Variants in TLK1 observed in about 807,000 individuals in gnomAD.
The protein encoded by TLK1 is serine/threonine-protein kinase tousled-like 1.
In TLK1, 24 loss-of-function variants were observed where a neutral mutation model predicts 105.3. That is an observed-to-expected ratio of 0.23 (90% CI 0.17 to 0.32). The LOEUF (loss-of-function observed/expected upper bound fraction) is 0.32. Ranked by LOEUF, TLK1 falls within the 10% of genes least tolerant of loss-of-function variation. The probability of loss-of-function intolerance (pLI) is 1.00; values close to 1 mark genes in which losing one functional copy is unlikely to be tolerated. For synonymous variants in TLK1, 321 were observed against 310.4 expected (o/e 1.03, Z -0.36); for missense variants, 558 against 910.5 (o/e 0.61, Z 4.98).
intron 2 of TLK1, among the ~76,000 whole-genome samples, chr2:171,108,266 A>T (rs1385334386): frequency 6.6e-6 from 1 of 152,212 alleles, no homozygotes. Flanking sequence ...GTAAAAAGTA[A>T]TACAAATTTT....
intron 2 of TLK1, among the ~76,000 whole-genome samples, chr2:171,090,131 T>A (rs1290331666): frequency 6.6e-6 from 1 of 152,174 alleles, no homozygotes; most frequent in Non-Finnish European, 1.5e-5. Context: ...TTCACTGTTT[T>A]ACAGTTTTCA....
At chr2:171,033,029 GA>G (rs1240406205) in intron 11 of TLK1, among the ~76,000 whole-genome samples, 1 of 152,072 alleles carries the variant, frequency 6.6e-6, no homozygotes, top group African/African-American at 2.4e-5. Flanking sequence ...GCAACATGGT[GA>G]AACTCTGTCT....
intron 11 of TLK1, among the ~76,000 whole-genome samples, chr2:171,036,901 G>C (rs181010577): frequency 2.0e-5 from 3 of 152,216 alleles, no homozygotes; most frequent in African/African-American, 7.2e-5. Context: ...TCAGTAAACA[G>C]AATAATGGTT....
chr2:171,027,423 A>C (rs1685825865), intron 12 of TLK1, among the ~76,000 whole-genome samples: 1 of 152,216 alleles, frequency 6.6e-6, no homozygotes. Context: ...AAGACCTGTA[A>C]AAACAATAAA....
chr2:171,127,277 C>CAA (rs772854408), intron 1 of TLK1, among the ~76,000 whole-genome samples: 2 of 51,206 alleles, frequency 3.9e-5, no homozygotes, highest in Non-Finnish European at 7.6e-5. Context: ...ACTCCCGTCT[C>CAA]AAAAAAAAAA....
chr2:171,221,314 A>G (rs1693806377), intron 1 of TLK1, among the ~76,000 whole-genome samples: 1 of 152,202 alleles, frequency 6.6e-6, no homozygotes. Context: ...AAAAAATGAA[A>G]AAGAACTAGA....
intron 2 of TLK1, among the ~76,000 whole-genome samples, chr2:171,103,484 C>T (rs994721899): frequency 1.2e-4 from 18 of 151,854 alleles, no homozygotes; most frequent in African/African-American, 3.6e-4. Context: ...TCAAGTGATC[C>T]GCCTGCCTCA....
At position 171,049,867 on chromosome 2, in the gene TLK1, G is replaced by T. The variant is rs763030592; in HGVS notation, c.927C>A (p.Gly309=). 2 of 1,613,824 alleles carry T rather than the reference G, an allele frequency of 1.2e-6. No individual in the cohort carries two copies. The highest frequency in any genetic ancestry group is 2.2e-5 in the East Asian group (1 of 44,826). Residue 309 remains glycine (G), a synonymous_variant, in exon 10 of 21, where the codon GGC becomes GGA. Transcript: ENST00000431350. ...RLGHFTTVRH[G]ASFTEQWTDG... is the part of the protein sequence containing the mutation. ...CTGTCCATTGTTCAGTAAATGAAGC[G>T]CCATGTCTAACTGTTGTAAAGTGCC...
chr2:171,094,518 A>T (rs1269584762), intron 2 of TLK1, among the ~76,000 whole-genome samples: 1 of 152,186 alleles, frequency 6.6e-6, no homozygotes, highest in Admixed American at 6.5e-5. Context: ...AAAGAAAGAC[A>T]TTTTCAGACA....
chr2:171,123,526 G>C (rs1690743950), intron 1 of TLK1, among the ~76,000 whole-genome samples: 1 of 152,194 alleles, frequency 6.6e-6, no homozygotes, highest in African/African-American at 2.4e-5. Context: ...CTGATCTGCA[G>C]GCTAAACGCA....
rs573694068 is a variant in TLK1 at position 171,160,664 on chromosome 2, G to A, written c.-236C>T. On this transcript the variant is annotated 5_prime_UTR_variant, in exon 1 of 21. Coordinates refer to ENST00000431350, the MANE Select transcript of TLK1 (RefSeq NM_012290.5). This position sits in a 1 kb window ranked among gnomAD's most constrained non-coding sequence, Gnocchi z 4.4. ...GAAAGGGGGAGAAGCGAGGGAGCGA[G>A]CGGGCGCGCCAGAGGAGAGGAGGAG... is the stretch of plus-strand genomic sequence containing the variant. The A allele has an allele frequency of 1.8e-5, 11 of 613,460 alleles. No individual in the cohort carries two copies. The highest frequency in any genetic ancestry group is 1.8e-4 in the African/African-American group (9 of 51,054). 38.0% of individuals were successfully genotyped at this position (613,460 alleles called of 1,614,324 possible). A position where few individuals can be genotyped will look rare whatever the true frequency, so the allele number is the denominator to read the frequency against.
chr2:171,183,265 A>G (rs1165079833), intron 1 of TLK1, among the ~76,000 whole-genome samples: 1 of 152,192 alleles, frequency 6.6e-6, no homozygotes, highest in East Asian at 1.9e-4. Context: ...AAAGCTCCCA[A>G]TAATGTTAAA....
At chr2:171,058,475 T>A (rs1351791887) in intron 4 of TLK1, among the ~76,000 whole-genome samples, 1 of 152,148 alleles carries the variant, frequency 6.6e-6, no homozygotes. Context: ...ACTGCATCAC[T>A]GACAAACTAA....
chr2:171,045,148 G>C (rs1334804020), intron 11 of TLK1: 1 of 151,454 alleles, frequency 6.6e-6, no homozygotes, highest in East Asian at 1.9e-4. Flanking sequence ...GGGATTCAAA[G>C]CATGGATGAC....
At chr2:171,191,409 T>C (rs75974549) in intron 1 of TLK1, among the ~76,000 whole-genome samples, 15,163 of 149,894 alleles carry the variant, frequency 0.1, 1,123 homozygotes, top group African/African-American at 0.21. Flanking sequence ...CACCCCCCCC[T>C]CTAAAAAAAT....
intron 3 of TLK1, among the ~76,000 whole-genome samples, chr2:171,071,377 T>C: frequency 6.6e-6 from 1 of 152,024 alleles, no homozygotes; most frequent in Admixed American, 6.6e-5. Flanking sequence ...AAGCTCTGCC[T>C]CCCGGGTTCA....
chr2:171,045,105 T>A (rs1185109718), intron 11 of TLK1: 1 of 151,858 alleles, frequency 6.6e-6, no homozygotes, highest in African/African-American at 2.4e-5. Context: ...AAAGGAGGTA[T>A]CAACAGAAGA....
chr2:171,106,388 T>C (rs1446185752), intron 2 of TLK1, among the ~76,000 whole-genome samples: 1 of 152,236 alleles, frequency 6.6e-6, no homozygotes, highest in East Asian at 1.9e-4. Flanking sequence ...GTGACAAATA[T>C]GCTAATTACC....
chr2:171,100,895 G>C (rs1558941935), intron 2 of TLK1, among the ~76,000 whole-genome samples: 1 of 152,096 alleles, frequency 6.6e-6, no homozygotes, highest in Non-Finnish European at 1.5e-5. Flanking sequence ...CATAACATTT[G>C]CATCAAAAAA....
Sources: gnomAD v4.1 joint callset for allele counts (sites outside exome capture counted in the v4.1 genomes callset) on GRCh38, gnomAD v4.1.1 for gene constraint, Gnocchi (gnomAD v3.1) non-coding constraint, MANE v1.5 for transcripts, NCBI Gene and HGNC (gene_info 2026-07-23, HGNC 2026-07-21) for gene names.